Variants in GLI2 observed in about 807,000 individuals in gnomAD.
GLI2 encodes the protein transcription activator GLI2.
A neutral mutation model predicts 78.9 loss-of-function variants in GLI2; 22 were observed. The ratio of observed to expected loss-of-function variants is 0.28; its 90% CI spans 0.20 to 0.40. The LOEUF (loss-of-function observed/expected upper bound fraction) is 0.40, where lower values mean the gene tolerates loss of function less well. GLI2 is among the 10% of genes least tolerant of loss of function. The pLI is 1.00. For missense variants in GLI2, 2,097 were observed against 2,213.2 expected, an observed-to-expected ratio of 0.95 and a Z score of 1.05; for synonymous variants, 974 against 963.7, an observed-to-expected ratio of 1.01 and a Z score of -0.20.
intron 2 of GLI2, among the ~76,000 whole-genome samples, chr2:120,801,451 T>C (rs1684704248): frequency 6.6e-6 from 1 of 152,240 alleles, no homozygotes; most frequent in Non-Finnish European, 1.5e-5. Context: ...TTCTGAGTTC[T>C]TTATATCTGT....
At chr2:120,966,112 G>A (rs1681842313) in intron 5 of GLI2, among the ~76,000 whole-genome samples, 1 of 152,150 alleles carries the variant, frequency 6.6e-6, no homozygotes, top group South Asian at 2.1e-4. Context: ...TCAACTGGGA[G>A]CTTTCCTAAC....
chr2:120,802,502 A>G (rs762168135), intron 2 of GLI2, among the ~76,000 whole-genome samples: 1 of 152,130 alleles, frequency 6.6e-6, no homozygotes, highest in Non-Finnish European at 1.5e-5. Flanking sequence ...TAACTTCTAA[A>G]ATGGTGTAAT....
At chr2:120,910,497 G>T (rs1678762014) in intron 2 of GLI2, among the ~76,000 whole-genome samples, 1 of 152,170 alleles carries the variant, frequency 6.6e-6, no homozygotes, top group African/African-American at 2.4e-5. Flanking sequence ...CTATTAGCGG[G>T]GTCCATCATT....
rs776402949 is a variant in GLI2, at chr2:120,986,292, C to T, written c.1920C>T (p.Ser640=). ...KTESSGLCQS[S]PGAQSSCSSE... ...GTCCCCTGCAGCTGTGTCAGTCCAGCCCCGGGGCCCAGTCGTCCTGCAGCA... is the reference window on the plus strand; with the variant it reads ...GTCCCCTGCAGCTGTGTCAGTCCAGTCCCGGGGCCCAGTCGTCCTGCAGCA... The change falls in exon 13 of 14, where the codon AGC becomes AGT. Residue 640 remains serine (S), a synonymous_variant. Coordinates refer to ENST00000361492, the MANE Select transcript of GLI2 (RefSeq NM_001374353.1). The T allele has an allele frequency of 1.9e-6, 3 of 1,613,116 alleles. No homozygotes were observed. The East Asian group carries it at 6.7e-5, about 36-fold the overall frequency.
chr2:120,912,865 G>A (rs533855696), intron 2 of GLI2, among the ~76,000 whole-genome samples: 1 of 152,232 alleles, frequency 6.6e-6, no homozygotes, highest in South Asian at 2.1e-4. Context: ...GCTCTGCGCG[G>A]AGAGGTCAAG....
At chr2:120,830,310 G>A (rs1430365684) in intron 2 of GLI2, among the ~76,000 whole-genome samples, 1 of 152,230 alleles carries the variant, frequency 6.6e-6, no homozygotes, top group East Asian at 1.9e-4. Context: ...CCCTCTGAGG[G>A]TCTCACTGTG....
chr2:120,951,371 A>T lies in GLI2; in HGVS notation c.383A>T (p.His128Leu). The change falls in exon 4 of 14, where the codon CAC (histidine) becomes CTC (leucine). Residue 128 changes from histidine (H) to leucine (L), a missense_variant. Physicochemically the swap from His to Leu is moderately conservative, Grantham distance 99. This residue lies in a region of GLI2 where 578 missense variants were observed against 612.0 expected (regional missense o/e 0.94). Coordinates refer to ENST00000361492, the MANE Select transcript of GLI2 (RefSeq NM_001374353.1). ...PHPYVNPHMEHYLRSVHSSPT... is the reference protein window; with the variant it reads ...PHPYVNPHMELYLRSVHSSPT... ...CCGTACGTGAACCCCCACATGGAGC[A>T]CTACCTCCGTTCTGTGCACAGCAGC... is the stretch of plus-strand genomic sequence containing the variant. 1.9e-6 allele frequency: 3 copies of T among 1,611,200 alleles called. No individual in the cohort carries two copies. The highest frequency in any genetic ancestry group is 2.5e-6 in the Non-Finnish European group (3 of 1,177,444).
chr2:120,963,864 T>C (rs1681710718), intron 5 of GLI2, among the ~76,000 whole-genome samples: 1 of 152,252 alleles, frequency 6.6e-6, no homozygotes, highest in Non-Finnish European at 1.5e-5. Context: ...CTTAACACTT[T>C]AAAGTTTGAA....
At chr2:120,950,213 G>C (rs1680911469) in intron 3 of GLI2, among the ~76,000 whole-genome samples, 1 of 152,204 alleles carries the variant, frequency 6.6e-6, no homozygotes, top group Non-Finnish European at 1.5e-5. Context: ...ATGTGGCTGG[G>C]ATTCTAACCC....
intron 2 of GLI2, among the ~76,000 whole-genome samples, chr2:120,847,301 A>C (rs1335827277): frequency 6.6e-6 from 1 of 152,072 alleles, no homozygotes; most frequent in Non-Finnish European, 1.5e-5. Context: ...AAATGAATAT[A>C]ATCCAGCCCA....
chr2:120,875,358 C>A (rs1688683079), intron 2 of GLI2, among the ~76,000 whole-genome samples: 1 of 152,164 alleles, frequency 6.6e-6, no homozygotes, highest in Non-Finnish European at 1.5e-5. Context: ...GCCATCATAG[C>A]CTAGGGATTC....
chr2:120,790,699 G>C (rs1207252908), intron 1 of GLI2, among the ~76,000 whole-genome samples: 1 of 152,200 alleles, frequency 6.6e-6, no homozygotes, highest in Non-Finnish European at 1.5e-5. Context: ...TGTTGGTGCT[G>C]CTCTCTGGGG....
At chr2:120,912,393 C>T (rs895840184) in intron 2 of GLI2, among the ~76,000 whole-genome samples, 9 of 151,394 alleles carry the variant, frequency 5.9e-5, no homozygotes, top group African/African-American at 9.7e-5. Flanking sequence ...AGGGTTGGGT[C>T]ATGAGACCAC....
chr2:120,931,495 C>T (rs1679941685), intron 3 of GLI2, among the ~76,000 whole-genome samples: 1 of 152,170 alleles, frequency 6.6e-6, no homozygotes, highest in African/African-American at 2.4e-5. Flanking sequence ...TTAACAAATG[C>T]CAGGGATTAG....
intron 2 of GLI2, among the ~76,000 whole-genome samples, chr2:120,916,921 T>G (rs1679129523): frequency 6.6e-6 from 1 of 152,218 alleles, no homozygotes; most frequent in Non-Finnish European, 1.5e-5. Flanking sequence ...CAGCCTCTTC[T>G]TTGAAGCTGG....
intron 2 of GLI2, among the ~76,000 whole-genome samples, chr2:120,915,146 G>T (rs1447025389): frequency 1.3e-5 from 2 of 152,214 alleles, no homozygotes; most frequent in African/African-American, 4.8e-5. Flanking sequence ...GTGTGGAGTG[G>T]CTGTGCTGGC....
At chr2:120,919,316 G>A (rs147694169) in intron 2 of GLI2, among the ~76,000 whole-genome samples, 1 of 152,348 alleles carries the variant, frequency 6.6e-6, no homozygotes, top group African/African-American at 2.4e-5. Context: ...ATGTCAAAAA[G>A]CCCTTCTCCA....
intron 1 of GLI2, among the ~76,000 whole-genome samples, chr2:120,740,262 A>G (rs1274348147): frequency 6.6e-6 from 1 of 152,208 alleles, no homozygotes; most frequent in African/African-American, 2.4e-5. Context: ...TTCTTTCATC[A>G]GCACAGTAAT....
intron 3 of GLI2, among the ~76,000 whole-genome samples, chr2:120,943,093 A>G (rs181646893): frequency 2.0e-5 from 3 of 152,326 alleles, no homozygotes; most frequent in African/African-American, 7.2e-5. Flanking sequence ...TACAGGAGAC[A>G]GGAGGCCTGT....
Sources: gnomAD v4.1 joint callset for allele counts (sites outside exome capture counted in the v4.1 genomes callset) on GRCh38, gnomAD v4.1.1 for gene constraint, gnomAD v4.1.1 regional missense constraint, MANE v1.5 for transcripts, NCBI Gene and HGNC (gene_info 2026-07-23, HGNC 2026-07-21) for gene names.